The following LINGO1 variants were observed in gnomAD, a reference collection of about 807,000 sequenced individuals.
LINGO1 encodes leucine rich repeat and Ig domain containing 1, also known as leucine-rich repeat and immunoglobulin-like domain-containing nogo receptor-interacting protein 1.
Under a neutral mutation model 37.3 loss-of-function variants are expected in LINGO1, and 11 were observed. That is an observed-to-expected ratio of 0.29 (90% CI 0.19 to 0.49). The LOEUF (loss-of-function observed/expected upper bound fraction) is 0.49. Among genes scored for constraint, LINGO1 ranks in the 20% least tolerant of loss-of-function variants. The probability of loss-of-function intolerance (pLI) is 0.99; values close to 1 mark genes in which losing one functional copy is unlikely to be tolerated. For missense variants in LINGO1, 585 were observed against 878.2 expected (o/e 0.67, Z 4.22); for synonymous variants, 387 against 403.0 (o/e 0.96, Z 0.48).
rs114752332 is a variant in LINGO1, at chr15:77,710,327, G to A, written c.-194-19426C>T. ...CAGCTCTAAATGCTGGTTAATTGGCGCTGAGCGGCAGAGGGACGTGAGGAA... is the reference window on the plus strand; with the variant it reads ...CAGCTCTAAATGCTGGTTAATTGGCACTGAGCGGCAGAGGGACGTGAGGAA... On this transcript the variant is annotated intron_variant, in intron 2 of 3. Coordinates refer to the LINGO1 transcript ENST00000561686. Among the ~76,000 whole-genome samples the A allele has an allele frequency of 5.3e-3, 801 of 152,362 alleles. 12 individuals carry two copies. Among genetic ancestry groups the A allele is most frequent in the African/African-American group, 0.018 (749 of 41,570 alleles).
intron 3 of LINGO1, chr15:77,652,267 A>T (rs1243292034): frequency 1.3e-5 from 2 of 152,192 alleles, no homozygotes; most frequent in Admixed American, 1.3e-4. Context: ...CTTCATTAAC[A>T]ATAAAGTGCC....
intron 2 of LINGO1, among the ~76,000 whole-genome samples, chr15:77,682,748 T>G (rs1217509107): frequency 6.6e-6 from 1 of 151,804 alleles, no homozygotes; most frequent in Non-Finnish European, 1.5e-5. Context: ...GCCACCCCCA[T>G]CCACACAGTG....
intron 1 of LINGO1, among the ~76,000 whole-genome samples, chr15:77,691,928 A>T (rs2141252287): frequency 6.6e-6 from 1 of 152,344 alleles, no homozygotes; most frequent in African/African-American, 2.4e-5. Context: ...ACGCTGCGGC[A>T]TCACAGGGTC....
At chr15:77,802,517 T>G in intron 1 of LINGO1, among the ~76,000 whole-genome samples, 1 of 151,986 alleles carries the variant, frequency 6.6e-6, no homozygotes. Flanking sequence ...ATCAGGCCAT[T>G]CTGGAAATGC....
chr15:77,664,631 G>A (rs1372377327), intron 3 of LINGO1, among the ~76,000 whole-genome samples: 1 of 152,196 alleles, frequency 6.6e-6, no homozygotes, highest in Admixed American at 6.5e-5. Context: ...GAGCTGGAGG[G>A]CTCCTCCCAG....
At chr15:77,745,059 A>C (rs141194566) in intron 1 of LINGO1, among the ~76,000 whole-genome samples, 1,577 of 149,778 alleles carry the variant, frequency 0.011, 13 homozygotes, top group Non-Finnish European at 0.016. Flanking sequence ...TGGAGGTTGC[A>C]GTGAGTCGAG....
rs529125024 is a variant in LINGO1 at position 77,684,917 on chromosome 15, C to T, written c.-99+5803G>A. Among the ~76,000 whole-genome samples, 15 of 152,134 alleles carry T rather than the reference C, an allele frequency of 9.9e-5. No individual in the cohort carries two copies. The South Asian group carries it at 1.9e-3, about 19-fold the overall frequency. ...CCTACAAGGGGCTGGGCAACAAGCT[C>T]GGGGTGGTGCCCGGGGAGGGCTCTG... On this transcript the variant is annotated intron_variant, in intron 2 of 3. Transcript: ENST00000559893.
intron 2 of LINGO1, among the ~76,000 whole-genome samples, chr15:77,684,562 C>T (rs73457857): frequency 2.4e-3 from 372 of 152,330 alleles, no homozygotes; most frequent in African/African-American, 8.5e-3. Context: ...AAGCTGGGCA[C>T]GGTGGAGGGT....
upstream of LINGO1, among the ~76,000 whole-genome samples, chr15:77,790,966 G>T (rs1465388386): frequency 6.6e-6 from 1 of 152,164 alleles, no homozygotes; most frequent in Admixed American, 6.5e-5. Context: ...TGGGCCAATG[G>T]GTTCCAACCT....
At chr15:77,711,255 T>C (rs957345371) in intron 2 of LINGO1, among the ~76,000 whole-genome samples, 7 of 152,242 alleles carry the variant, frequency 4.6e-5, no homozygotes, top group African/African-American at 1.7e-4. Context: ...TATGTTCCAC[T>C]GTTTAACATT....
At chr15:77,804,852 T>C (rs529181457) in intron 1 of LINGO1, among the ~76,000 whole-genome samples, 4 of 152,264 alleles carry the variant, frequency 2.6e-5, no homozygotes, top group Admixed American at 1.3e-4. Flanking sequence ...TCCCACGTTA[T>C]AGTGACCATA....
chr15:77,688,337 A>T (rs1227730972), intron 2 of LINGO1, among the ~76,000 whole-genome samples: 1 of 152,242 alleles, frequency 6.6e-6, no homozygotes, highest in Non-Finnish European at 1.5e-5. Context: ...TTAAAGAAAA[A>T]TCTAATCACT....
At chr15:77,679,992 T>TGGCATTTCCTC (rs1474172680) in intron 2 of LINGO1, among the ~76,000 whole-genome samples, 1 of 152,224 alleles carries the variant, frequency 6.6e-6, no homozygotes, top group African/African-American at 2.4e-5. Flanking sequence ...CACATTTCCT[T>TGGCATTTCCTC]GGCATTTCCT....
Position 77,682,239 on chromosome 15 carries a change from TATCTCTA to T in LINGO1, c.-98-5072_-98-5066del, listed in dbSNP as rs528743209. Reference sequence around the variant, plus strand: ...CCTAACCTTTCTGGGACTGGTTCCCTATCTCTAATGCCATACTCATATGGCAGTAGAG... The same window carrying T: ...CCTAACCTTTCTGGGACTGGTTCCCTATGCCATACTCATATGGCAGTAGAG... On this transcript the variant is annotated intron_variant, in intron 2 of 3. Coordinates refer to the LINGO1 transcript ENST00000559893. Among the ~76,000 whole-genome samples the T allele has an allele frequency of 5.0e-3, 757 of 151,844 alleles. 5 individuals are homozygous for T. The highest frequency in any genetic ancestry group is 0.018 in the African/African-American group (728 of 41,308).
chr15:77,722,956 C>T (rs1176183038), intron 2 of LINGO1, among the ~76,000 whole-genome samples: 2 of 152,180 alleles, frequency 1.3e-5, no homozygotes, highest in Non-Finnish European at 1.5e-5. Flanking sequence ...GCCTTCACAG[C>T]GCCCCTGGAG....
chr15:77,623,283 G>A (rs1048248411), intron 1 of LINGO1, among the ~76,000 whole-genome samples: 1 of 152,178 alleles, frequency 6.6e-6, no homozygotes, highest in Non-Finnish European at 1.5e-5. Flanking sequence ...GAGAGCAAAG[G>A]TGTGCAGGGG....
At chr15:77,633,402 G>C (rs2074328135), upstream of LINGO1, among the ~76,000 whole-genome samples, 1 of 152,240 alleles carries the variant, frequency 6.6e-6, no homozygotes, top group Non-Finnish European at 1.5e-5. Flanking sequence ...AGGGTTGTTT[G>C]GAGGGCGGCA....
chr15:77,718,144 C>T (rs1480417588), intron 2 of LINGO1, among the ~76,000 whole-genome samples: 2 of 150,850 alleles, frequency 1.3e-5, no homozygotes, highest in African/African-American at 4.8e-5. Context: ...TCGCTACCAC[C>T]CACCTAGGGA....
At chr15:77,733,964 G>A (rs1298399332) in intron 2 of LINGO1, among the ~76,000 whole-genome samples, 2 of 152,198 alleles carry the variant, frequency 1.3e-5, no homozygotes, top group African/African-American at 4.8e-5. Flanking sequence ...CAGGCTCTTC[G>A]TACTTGGCCT....
Sources: gnomAD v4.1 joint callset for allele counts (sites outside exome capture counted in the v4.1 genomes callset) on GRCh38, gnomAD v4.1.1 for gene constraint, MANE v1.5 for transcripts, NCBI Gene and HGNC (gene_info 2026-07-23, HGNC 2026-07-21) for gene names.